SCMH1: variants seen among roughly 807,000 people sequenced by gnomAD.
SCMH1 encodes the protein polycomb protein SCMH1.
Under a neutral mutation model 70.8 loss-of-function variants are expected in SCMH1, and 37 were observed. The ratio of observed to expected loss-of-function variants is 0.52; its 90% CI spans 0.40 to 0.69. The LOEUF is 0.69. Ranked by LOEUF, SCMH1 falls within the 30% of genes least tolerant of loss-of-function variation. The pLI is 0.00. For synonymous variants in SCMH1, 292 were observed against 307.4 expected, an observed-to-expected ratio of 0.95 and a Z score of 0.52; for missense variants, 607 against 827.3, an observed-to-expected ratio of 0.73 and a Z score of 3.27.
At chr1:41,030,133 T>C (rs571657261) in intron 13 of SCMH1, among the ~76,000 whole-genome samples, 6 of 152,308 alleles carry the variant, frequency 3.9e-5, no homozygotes, top group African/African-American at 1.4e-4. Context: ...GGAGATCATT[T>C]GATCCCAGGA....
chr1:41,040,886 A>C (rs1054077592), intron 12 of SCMH1, among the ~76,000 whole-genome samples: 1 of 145,456 alleles, frequency 6.9e-6, no homozygotes, highest in African/African-American at 2.4e-5. Flanking sequence ...CAGAAAACAA[A>C]AAACAAAAAC....
chr1:41,114,661 TTCTCTC>T (rs61013208), intron 7 of SCMH1, among the ~76,000 whole-genome samples: 52 of 148,276 alleles, frequency 3.5e-4, no homozygotes, highest in African/African-American at 1.2e-3. Flanking sequence ...AAGATTTCCT[TTCTCTC>T]TCTCTCTCTC....
At chr1:41,175,087 A>G (rs1647027299) in intron 2 of SCMH1, among the ~76,000 whole-genome samples, 1 of 152,256 alleles carries the variant, frequency 6.6e-6, no homozygotes, top group African/African-American at 2.4e-5. Flanking sequence ...AGGGACGCCC[A>G]AATAGCTGGT....
At chr1:41,115,574 A>G (rs1226413294) in intron 7 of SCMH1, among the ~76,000 whole-genome samples, 1 of 152,156 alleles carries the variant, frequency 6.6e-6, no homozygotes, top group Non-Finnish European at 1.5e-5. Flanking sequence ...AGTAGCTGCG[A>G]CTACAGGCAC....
intron 1 of SCMH1, among the ~76,000 whole-genome samples, chr1:41,198,904 C>A (rs1653657764): frequency 6.6e-6 from 1 of 152,192 alleles, no homozygotes; most frequent in African/African-American, 2.4e-5. Context: ...CAGTGACATT[C>A]AATTTCACCT....
At chr1:41,235,299 G>C (rs1662137442) in intron 1 of SCMH1, among the ~76,000 whole-genome samples, 1 of 151,940 alleles carries the variant, frequency 6.6e-6, no homozygotes, top group African/African-American at 2.4e-5. Flanking sequence ...AACAAGAGTG[G>C]AATGCTATTT....
chr1:41,092,906 T>C (rs1294963145), intron 8 of SCMH1, among the ~76,000 whole-genome samples: 1 of 152,124 alleles, frequency 6.6e-6, no homozygotes, highest in African/African-American at 2.4e-5. Flanking sequence ...GAAATAGGAA[T>C]GCTTTTACAC....
intron 1 of SCMH1, among the ~76,000 whole-genome samples, chr1:41,230,312 A>G (rs147193948): frequency 0.017 from 2,541 of 152,234 alleles, 28 homozygotes; most frequent in South Asian, 0.03. Flanking sequence ...GATTCTTTAG[A>G]TATTTAGGAT....
At chr1:41,147,450 GT>G (rs1644689010) in intron 5 of SCMH1, among the ~76,000 whole-genome samples, 1 of 152,080 alleles carries the variant, frequency 6.6e-6, no homozygotes, top group South Asian at 2.1e-4. Flanking sequence ...TTTGGTGAGA[GT>G]TTTTATTTAG....
At chr1:41,063,434 C>G (rs914058087) in intron 10 of SCMH1, among the ~76,000 whole-genome samples, 1 of 151,614 alleles carries the variant, frequency 6.6e-6, no homozygotes, top group Non-Finnish European at 1.5e-5. Context: ...GATCGCACCA[C>G]TGCACTCCAG....
chr1:41,151,587 C>T lies in SCMH1; in HGVS notation c.177+27G>A, dbSNP rs760163649. On this transcript the variant is annotated intron_variant, in intron 5 of 14. Coordinates refer to ENST00000337495, the Ensembl canonical transcript of SCMH1. The stretch of plus-strand genomic sequence containing the variant: ...CATAAAAAAATGACTTATCTTCCAC[C>T]TACTAAAGATGTTGAAAATCAATTA... The T allele has an allele frequency of 4.5e-6, 7 of 1,570,688 alleles. No individual in the cohort carries two copies. The Admixed American group carries it at 1.0e-4, about 23-fold the overall frequency.
chr1:41,168,779 A>C (rs1646590713), intron 2 of SCMH1, among the ~76,000 whole-genome samples: 1 of 151,986 alleles, frequency 6.6e-6, no homozygotes, highest in Non-Finnish European at 1.5e-5. Flanking sequence ...TCCAGCCAAA[A>C]ATTTTAAGGT....
At chr1:41,112,740 T>C (rs1289051168) in intron 8 of SCMH1, among the ~76,000 whole-genome samples, 3 of 152,236 alleles carry the variant, frequency 2.0e-5, no homozygotes, top group Admixed American at 6.5e-5. Context: ...GTAGGTTTTC[T>C]ACTTCATGAT....
At chr1:41,117,640 G>T (rs1670847317) in intron 6 of SCMH1, among the ~76,000 whole-genome samples, 1 of 152,174 alleles carries the variant, frequency 6.6e-6, no homozygotes, top group African/African-American at 2.4e-5. Flanking sequence ...CATGTTCCTA[G>T]TTCGCCTTCA....
chr1:41,232,361 C>T (rs1661468652), intron 1 of SCMH1, among the ~76,000 whole-genome samples: 1 of 152,164 alleles, frequency 6.6e-6, no homozygotes, highest in African/African-American at 2.4e-5. Context: ...CTTTGATTTG[C>T]TAAACCATTT....
rs888769647 is a variant in SCMH1, at chr1:41,209,651, T to C, written c.-117-23401A>G. ...TCTCAATAGATGCAGAAAAGGCCTT[T>C]GACAAAATTCAACAGCACTTCGTGC... On this transcript the variant is annotated intron_variant, in intron 1 of 14. Coordinates refer to ENST00000337495, the Ensembl canonical transcript of SCMH1. 3.3e-5 allele frequency among the ~76,000 whole-genome samples: 5 copies of C among 152,324 alleles called. No homozygotes were observed. In the South Asian group the frequency reaches 1.0e-3, roughly 32 times the overall value.
intron 14 of SCMH1, 130 bp from the exon 16 acceptor site, chr1:41,028,449 T>G (rs1201053175): frequency 1.2e-5 from 18 of 1,499,804 alleles, no homozygotes; most frequent in Non-Finnish European, 9.2e-7. Context: ...GTTCACCTGC[T>G]GTGATGCTGA....
chr1:41,028,439 G>T (rs1644037825), intron 14 of SCMH1, 120 bp from the exon 16 acceptor site: 1 of 1,509,186 alleles, frequency 6.6e-7, no homozygotes, highest in Non-Finnish European at 9.1e-7. Flanking sequence ...ATGGAGTCCA[G>T]TTCACCTGCT....
chr1:41,215,961 G>GA (rs1190916534), intron 1 of SCMH1, among the ~76,000 whole-genome samples: 1 of 152,146 alleles, frequency 6.6e-6, no homozygotes, highest in African/African-American at 2.4e-5. Context: ...TTTCAAAGGG[G>GA]AAAAAAGCCT....
Sources: allele counts gnomAD v4.1 joint callset (sites outside exome capture counted in the v4.1 genomes callset), GRCh38; gene constraint gnomAD v4.1.1; transcripts MANE v1.5; gene names NCBI Gene and HGNC (gene_info 2026-07-23, HGNC 2026-07-21).